Variants in RGS7 observed in about 807,000 individuals in gnomAD.
RGS7 encodes the protein regulator of G protein signaling 7, also known as regulator of G-protein signaling 7.
RGS7 carries 27 observed loss-of-function variants against 81.1 expected under a neutral mutation model. The observed-to-expected ratio is 0.33, with a 90% confidence interval of 0.25 to 0.46. The LOEUF (loss-of-function observed/expected upper bound fraction) is 0.46. Ranked by LOEUF, RGS7 falls within the 20% of genes least tolerant of loss-of-function variation. The pLI, the probability that RGS7 is intolerant of heterozygous loss-of-function variation, is 1.00. For missense variants in RGS7, 396 were observed against 607.4 expected, an observed-to-expected ratio of 0.65 and a Z score of 3.66; for synonymous variants, 208 against 207.7, an observed-to-expected ratio of 1.00 and a Z score of -0.01.
intron 3 of RGS7, among the ~76,000 whole-genome samples, chr1:241,089,026 T>TCC (rs1398551583): frequency 3.5e-5 from 1 of 28,886 alleles, no homozygotes; most frequent in Admixed American, 3.7e-4. Flanking sequence ...ACTCCATCTC[T>TCC]CTCTCTCTCT....
intron 4 of RGS7, among the ~76,000 whole-genome samples, chr1:240,937,085 G>A (rs73118019): frequency 0.011 from 1,750 of 152,174 alleles, 29 homozygotes; most frequent in African/African-American, 0.039. Context: ...GTACCGAAAC[G>A]GACAGCCTCT....
intron 2 of RGS7, among the ~76,000 whole-genome samples, chr1:241,281,535 G>C (rs2078512995): frequency 6.6e-6 from 1 of 152,216 alleles, no homozygotes; most frequent in Non-Finnish European, 1.5e-5. Flanking sequence ...AGTGATGCCA[G>C]AAGTGCTCCC....
At chr1:241,153,869 T>C (rs557851092) in intron 2 of RGS7, among the ~76,000 whole-genome samples, 1 of 152,202 alleles carries the variant, frequency 6.6e-6, no homozygotes, top group Non-Finnish European at 1.5e-5. Context: ...AAATGGGGTT[T>C]GAACGTGAGG....
chr1:241,195,363 C>A (rs539627274), intron 2 of RGS7, among the ~76,000 whole-genome samples: 1 of 152,180 alleles, frequency 6.6e-6, no homozygotes, highest in East Asian at 1.9e-4. Flanking sequence ...GTAATCCCAG[C>A]TACTCAGGAA....
At chr1:240,881,896 G>T (rs16840939) in intron 6 of RGS7, among the ~76,000 whole-genome samples, 49 of 151,304 alleles carry the variant, frequency 3.2e-4, no homozygotes, top group African/African-American at 1.1e-3. Flanking sequence ...TACTATGAAC[G>T]TTGAATACTG....
At chr1:240,903,417 T>C (rs1040077908) in intron 6 of RGS7, among the ~76,000 whole-genome samples, 4 of 152,190 alleles carry the variant, frequency 2.6e-5, no homozygotes, top group Non-Finnish European at 5.9e-5. Flanking sequence ...ATGGCTTCCA[T>C]GTTGGACAGC....
chr1:241,352,977 A>G (rs1246072212), intron 2 of RGS7, among the ~76,000 whole-genome samples: 1 of 152,218 alleles, frequency 6.6e-6, no homozygotes, highest in Non-Finnish European at 1.5e-5. Flanking sequence ...AGGTGTCATG[A>G]GGAGGGAAAA....
At chr1:241,107,097 G>A (rs12022439) in intron 2 of RGS7, among the ~76,000 whole-genome samples, 2,277 of 152,212 alleles carry the variant, frequency 0.015, 64 homozygotes, top group African/African-American at 0.052. Context: ...ACTCGAAGAC[G>A]GGCACATAAG....
intron 5 of RGS7, among the ~76,000 whole-genome samples, chr1:240,932,938 C>G (rs1309142861): frequency 8.2e-6 from 1 of 121,632 alleles, no homozygotes; most frequent in South Asian, 2.6e-4. Flanking sequence ...GGCTGGACTG[C>G]AGTGGCGCGA....
rs879470216 is a variant in RGS7 at position 240,792,402 on chromosome 1, TGTGTAGATGATGATGGCCCAC to T, written c.*6+8218_*6+8238del. Among the ~76,000 whole-genome samples, 366 of 152,320 alleles carry T rather than the reference TGTGTAGATGATGATGGCCCAC, an allele frequency of 2.4e-3. 1 individual carries two copies. Among genetic ancestry groups the T allele is most frequent in the Non-Finnish European group, 4.5e-3 (305 of 68,028 alleles). ...ATTCTCCTAGCTTGCCCTCATCTGC[TGTGTAGATGATGATGGCCCAC>T]GTGTAGATCCAGAGCACAGGATATG... On this transcript the variant is annotated intron_variant, in intron 18 of 18. Coordinates refer to ENST00000440928, the MANE Select transcript of RGS7 (RefSeq NM_001364886.1).
intron 2 of RGS7, among the ~76,000 whole-genome samples, chr1:241,114,910 C>T (rs1175140056): frequency 2.0e-5 from 3 of 152,286 alleles, no homozygotes; most frequent in South Asian, 4.1e-4. Context: ...TTTCCCTCTA[C>T]GCTGCTGATC....
chr1:240,775,714 TGGTG>T lies in RGS7; in HGVS notation c.*502_*505del. 2.0e-4 allele frequency: 35 copies of T among 170,824 alleles called. No individual in the cohort carries two copies. Among genetic ancestry groups the T allele is most frequent in the East Asian group, 1.2e-3 (8 of 6,880 alleles). The allele number at this position is 170,824 out of a possible 1,614,324, so 10.6% of individuals were successfully genotyped here. ...GAGTTTGTTTCTGACTGTGACACAT[TGGTG>T]AAATGAAACTTTCTGTGCGGAATTT... On this transcript the variant is annotated 3_prime_UTR_variant, in exon 19 of 19. Coordinates refer to ENST00000440928, the MANE Select transcript of RGS7 (RefSeq NM_001364886.1).
At chr1:240,897,923 C>T (rs866041073) in intron 6 of RGS7, among the ~76,000 whole-genome samples, 15 of 151,966 alleles carry the variant, frequency 9.9e-5, no homozygotes, top group East Asian at 3.9e-4. Flanking sequence ...GGACGTTTTT[C>T]GGTTGGTAGG....
chr1:241,341,440 A>G (rs923733938), intron 2 of RGS7, among the ~76,000 whole-genome samples: 7 of 152,194 alleles, frequency 4.6e-5, no homozygotes, highest in African/African-American at 1.7e-4. Flanking sequence ...GAAAAACATA[A>G]TTTGTCATAT....
At chr1:240,982,981 A>G in intron 4 of RGS7, 98 bp downstream of exon 4, 2 of 683,242 alleles carry the variant, frequency 2.9e-6, no homozygotes, top group African/African-American at 1.8e-5. Flanking sequence ...ATTTTTCAGG[A>G]GGTTTGCTTG....
At chr1:241,223,139 T>A (rs2075113807) in intron 2 of RGS7, among the ~76,000 whole-genome samples, 1 of 152,088 alleles carries the variant, frequency 6.6e-6, no homozygotes, top group Non-Finnish European at 1.5e-5. Context: ...AGAACCACTA[T>A]AATTGAGAAC....
At chr1:241,124,269 C>T (rs1215030816) in intron 2 of RGS7, among the ~76,000 whole-genome samples, 1 of 151,960 alleles carries the variant, frequency 6.6e-6, no homozygotes, top group Non-Finnish European at 1.5e-5. Context: ...GTGCTGCACG[C>T]CTATAGTCCC....
At position 241,135,414 on chromosome 1, in the gene RGS7, G is replaced by A. The variant is rs537901650; in HGVS notation, c.79-36652C>T. ...TGCACTCCAGCCTGGGCGACAGAGC[G>A]AGACTCCGTCTGAACAACAACAACA... is the stretch of plus-strand genomic sequence containing the variant. On this transcript the variant is annotated intron_variant, in intron 2 of 18. Transcript: ENST00000440928. 1.1e-3 allele frequency among the ~76,000 whole-genome samples: 172 copies of A among 152,210 alleles called. 2 individuals are homozygous for A. The highest frequency in any genetic ancestry group is 4.0e-3 in the African/African-American group (166 of 41,532).
At chr1:241,165,269 T>G (rs1225964761) in intron 2 of RGS7, among the ~76,000 whole-genome samples, 3 of 152,210 alleles carry the variant, frequency 2.0e-5, no homozygotes, top group Non-Finnish European at 2.9e-5. Flanking sequence ...ACTTAATGAT[T>G]GCATACCATG....
Sources: gnomAD v4.1 joint callset for allele counts (sites outside exome capture counted in the v4.1 genomes callset) on GRCh38, gnomAD v4.1.1 for gene constraint, MANE v1.5 for transcripts, NCBI Gene and HGNC (gene_info 2026-07-23, HGNC 2026-07-21) for gene names.